PHACTR3: variants seen among roughly 807,000 people sequenced by gnomAD.
PHACTR3 encodes the protein phosphatase and actin regulator 3.
Under a neutral mutation model 66.8 loss-of-function variants are expected in PHACTR3, and 16 were observed. The observed-to-expected ratio is 0.24, with a 90% confidence interval of 0.16 to 0.36. The LOEUF is 0.36. Among genes scored for constraint, PHACTR3 ranks in the 10% least tolerant of loss-of-function variants. The probability of loss-of-function intolerance (pLI) is 1.00; values close to 1 mark genes in which losing one functional copy is unlikely to be tolerated. For synonymous variants in PHACTR3, 323 were observed against 292.1 expected (o/e 1.11, Z -1.08); for missense variants, 647 against 719.9 (o/e 0.90, Z 1.16).
chr20:59,677,488 A>G (rs1601079471), intron 1 of PHACTR3, among the ~76,000 whole-genome samples: 1 of 152,218 alleles, frequency 6.6e-6, no homozygotes, highest in Admixed American at 6.5e-5. Context: ...AAGGCGATGG[A>G]GAAGTGAATT....
At chr20:59,737,794 G>T (rs55883919) in intron 1 of PHACTR3, among the ~76,000 whole-genome samples, 12,029 of 152,190 alleles carry the variant, frequency 0.079, 616 homozygotes, top group East Asian at 0.15. Flanking sequence ...TAGGATACAT[G>T]GCACATGGTT....
intron 1 of PHACTR3, among the ~76,000 whole-genome samples, chr20:59,586,338 A>G (rs73914196): frequency 3.3e-5 from 5 of 152,350 alleles, no homozygotes; most frequent in African/African-American, 7.2e-5. Context: ...AAACAGCTGT[A>G]TGAACTGCAC....
intron 7 of PHACTR3, among the ~76,000 whole-genome samples, chr20:59,803,187 G>A (rs560626572): frequency 3.3e-5 from 5 of 152,292 alleles, no homozygotes; most frequent in Admixed American, 3.3e-4. Context: ...CAAGACTACT[G>A]CAGAGTTGAA....
chr20:59,696,640 A>C (rs1224735996), intron 1 of PHACTR3, among the ~76,000 whole-genome samples: 1 of 152,158 alleles, frequency 6.6e-6, no homozygotes, highest in Non-Finnish European at 1.5e-5. Flanking sequence ...GCCGGGGAGC[A>C]GCTTGGTGCA....
At chr20:59,695,004 A>G (rs945861838) in intron 1 of PHACTR3, among the ~76,000 whole-genome samples, 2 of 152,128 alleles carry the variant, frequency 1.3e-5, no homozygotes, top group Non-Finnish European at 2.9e-5. Flanking sequence ...TCTGCAAACT[A>G]GATGCTGTGA....
Position 59,591,625 on chromosome 20 carries a change from A to G in PHACTR3, c.109+14008A>G, listed in dbSNP as rs542278961. 3.3e-5 allele frequency among the ~76,000 whole-genome samples: 5 copies of G among 152,064 alleles called. No homozygotes were observed. The South Asian group carries it at 1.0e-3, about 32-fold the overall frequency. On this transcript the variant is annotated intron_variant, in intron 1 of 12. Coordinates refer to the PHACTR3 transcript ENST00000359926. ...CTTCTTTTTCCCACAGTGCAGTGCCACTGGGGGAGATCTCATGGCTGGTCT... is the reference window on the plus strand; with the variant it reads ...CTTCTTTTTCCCACAGTGCAGTGCCGCTGGGGGAGATCTCATGGCTGGTCT...
intron 1 of PHACTR3, among the ~76,000 whole-genome samples, chr20:59,700,046 G>A (rs1399408695): frequency 2.6e-5 from 4 of 152,192 alleles, no homozygotes. Context: ...CTTCCCTGAG[G>A]CAACCACTGT....
chr20:59,773,482 G>C (rs746773880), intron 6 of PHACTR3, 29 bp downstream of exon 6: 16 of 1,564,730 alleles, frequency 1.0e-5, no homozygotes, highest in Non-Finnish European at 5.2e-6. Flanking sequence ...AGGGAGACCT[G>C]TGCTGCCAGA....
intron 1 of PHACTR3, among the ~76,000 whole-genome samples, chr20:59,607,678 A>G (rs1268643988): frequency 2.0e-5 from 3 of 152,118 alleles, no homozygotes; most frequent in Non-Finnish European, 4.4e-5. Flanking sequence ...CTAATGTTTT[A>G]TATACTTGTG....
intron 1 of PHACTR3, among the ~76,000 whole-genome samples, chr20:59,682,774 G>A (rs761708270): frequency 5.3e-5 from 8 of 152,180 alleles, no homozygotes; most frequent in Non-Finnish European, 7.3e-5. Context: ...AATAAGAGCC[G>A]GCCTGGTGGG....
chr20:59,817,757 A>AT (rs34883214), intron 8 of PHACTR3, among the ~76,000 whole-genome samples: 1 of 152,310 alleles, frequency 6.6e-6, no homozygotes, highest in African/African-American at 2.4e-5. Context: ...CGAAGATTTG[A>AT]TTTTTTTGGT....
intron 7 of PHACTR3, among the ~76,000 whole-genome samples, chr20:59,802,412 G>C (rs1018370790): frequency 1.3e-5 from 2 of 152,224 alleles, no homozygotes; most frequent in Non-Finnish European, 2.9e-5. Flanking sequence ...AGGATAGCAG[G>C]CTAGGGCAGA....
upstream of PHACTR3, among the ~76,000 whole-genome samples, chr20:59,600,217 T>C (rs1215813827): frequency 6.6e-6 from 1 of 152,218 alleles, no homozygotes; most frequent in Non-Finnish European, 1.5e-5. Flanking sequence ...GCATCACTTC[T>C]TCAAACCAGG....
intron 1 of PHACTR3, among the ~76,000 whole-genome samples, chr20:59,726,567 T>G (rs546953425): frequency 6.6e-6 from 1 of 152,320 alleles, no homozygotes; most frequent in South Asian, 2.1e-4. Context: ...CCCCAGCTTC[T>G]TGACTTGGTA....
chr20:59,729,903 T>C (rs902337524), intron 1 of PHACTR3, among the ~76,000 whole-genome samples: 2 of 152,142 alleles, frequency 1.3e-5, no homozygotes, highest in Non-Finnish European at 2.9e-5. Context: ...GGGAAAGTCA[T>C]TGAATTCACG....
chr20:59,631,043 G>C (rs147415998), intron 1 of PHACTR3, among the ~76,000 whole-genome samples: 3 of 152,310 alleles, frequency 2.0e-5, no homozygotes, highest in South Asian at 4.2e-4. Context: ...ATGGCTGTTA[G>C]CTGTCATTGT....
At chr20:59,730,649 CT>C (rs1419976791) in intron 1 of PHACTR3, among the ~76,000 whole-genome samples, 1 of 152,166 alleles carries the variant, frequency 6.6e-6, no homozygotes, top group Non-Finnish European at 1.5e-5. Flanking sequence ...TATTCTCTCC[CT>C]TTTTCTTCTT....
chr20:59,698,503 C>T (rs1313816621), intron 1 of PHACTR3, among the ~76,000 whole-genome samples: 1 of 152,026 alleles, frequency 6.6e-6, no homozygotes, highest in Non-Finnish European at 1.5e-5. Context: ...TATAAACACA[C>T]ACCAGATGAT....
Position 59,836,586 on chromosome 20 carries a change from G to A in PHACTR3, c.1384+26G>A, listed in dbSNP as rs541163893. The A allele has an allele frequency of 1.9e-4, 305 of 1,605,472 alleles. 3 individuals carry two copies. The South Asian group carries it at 3.2e-3, about 17-fold the overall frequency. On this transcript the variant is annotated intron_variant, in intron 9 of 12. Transcript: ENST00000371015. ...GTGAGTAGCTGGTGATTCCTCTAGAGGTTTTCCTTCACGTGTGGTGAGGCT... is the reference window on the plus strand; with the variant it reads ...GTGAGTAGCTGGTGATTCCTCTAGAAGTTTTCCTTCACGTGTGGTGAGGCT...
Sources: allele counts gnomAD v4.1 joint callset (sites outside exome capture counted in the v4.1 genomes callset), GRCh38; gene constraint gnomAD v4.1.1; transcripts MANE v1.5; gene names NCBI Gene and HGNC (gene_info 2026-07-23, HGNC 2026-07-21).